Variants in LNX1 observed in about 807,000 individuals in gnomAD.
LNX1 encodes the protein E3 ubiquitin-protein ligase LNX.
A neutral mutation model predicts 68.4 loss-of-function variants in LNX1; 54 were observed. That is an observed-to-expected ratio of 0.79 (90% CI 0.63 to 0.99). The LOEUF is 0.99. Ranked by LOEUF, LNX1 falls within the 50% of genes least tolerant of loss-of-function variation. LNX1 has a pLI of 0.00. For synonymous variants in LNX1, 336 were observed against 350.0 expected (o/e 0.96, Z 0.45); for missense variants, 906 against 926.4 (o/e 0.98, Z 0.29).
At chr4:53,562,351 C>A (rs916074545) in intron 2 of LNX1, among the ~76,000 whole-genome samples, 4 of 152,114 alleles carry the variant, frequency 2.6e-5, no homozygotes, top group Non-Finnish European at 4.4e-5. Flanking sequence ...CTACAGTAGA[C>A]CCATGTGATG....
intron 9 of LNX1, among the ~76,000 whole-genome samples, chr4:53,476,357 G>A (rs1272414141): frequency 1.3e-5 from 2 of 152,160 alleles, no homozygotes; most frequent in Non-Finnish European, 2.9e-5. Context: ...TCCCAGGGCT[G>A]CCACTAGCAG....
chr4:53,604,208 T>A (rs1302041364), intron 2 of LNX1, among the ~76,000 whole-genome samples: 1 of 152,228 alleles, frequency 6.6e-6, no homozygotes, highest in African/African-American at 2.4e-5. Flanking sequence ...TTTGTATTAC[T>A]CTTTCCCTGC....
intron 4 of LNX1, among the ~76,000 whole-genome samples, chr4:53,502,770 G>T (rs1383908084): frequency 6.6e-6 from 1 of 152,176 alleles, no homozygotes; most frequent in Non-Finnish European, 1.5e-5. Context: ...TATCAACTAT[G>T]TTTATGTAAT....
chr4:53,537,249 A>T (rs115138603), intron 2 of LNX1, among the ~76,000 whole-genome samples: 313 of 152,386 alleles, frequency 2.1e-3, no homozygotes, highest in African/African-American at 6.3e-3. Flanking sequence ...CAAACAAATT[A>T]TAAAGGAAGT....
chr4:53,566,926 T>A (rs1360993156), intron 2 of LNX1, among the ~76,000 whole-genome samples: 49 of 152,158 alleles, frequency 3.2e-4, no homozygotes, highest in Non-Finnish European at 1.5e-4. Context: ...AAAGGGATCA[T>A]TTCAACAAGA....
intron 1 of LNX1, among the ~76,000 whole-genome samples, chr4:53,589,085 G>A (rs945555770): frequency 1.3e-5 from 2 of 152,208 alleles, no homozygotes; most frequent in Admixed American, 6.5e-5. Flanking sequence ...CAAACACCCA[G>A]TCTGCCCTGG....
intron 9 of LNX1, among the ~76,000 whole-genome samples, chr4:53,467,087 AC>A: frequency 6.6e-6 from 1 of 152,018 alleles, no homozygotes; most frequent in East Asian, 1.9e-4. Context: ...ACTGGGAGGC[AC>A]CCCCCAGTAG....
chr4:53,645,534 C>T (rs1413494915), intron 1 of LNX1, among the ~76,000 whole-genome samples: 2 of 152,192 alleles, frequency 1.3e-5, no homozygotes, highest in African/African-American at 2.4e-5. Flanking sequence ...GATTGGCAGA[C>T]ATTGAGGCAC....
intron 2 of LNX1, among the ~76,000 whole-genome samples, chr4:53,509,891 T>C (rs1715570913): frequency 6.6e-6 from 1 of 152,206 alleles, no homozygotes; most frequent in African/African-American, 2.4e-5. Context: ...TCCATTGAGT[T>C]GCCTACATAC....
At chr4:53,501,311 G>GGGGGGAGT (rs1553932778) in intron 4 of LNX1, among the ~76,000 whole-genome samples, 1 of 55,696 alleles carries the variant, frequency 1.8e-5, no homozygotes, top group Non-Finnish European at 3.6e-5. Context: ...GGGGTGGGGG[G>GGGGGGAGT]ACAGGATCTC....
chr4:53,531,022 C>T (rs1038260983), intron 2 of LNX1, among the ~76,000 whole-genome samples: 1 of 152,106 alleles, frequency 6.6e-6, no homozygotes, highest in African/African-American at 2.4e-5. Flanking sequence ...AAAAATTAGC[C>T]GGTGTGGTGG....
chr4:53,624,949 A>G (rs1263532427), intron 1 of LNX1, among the ~76,000 whole-genome samples: 1 of 152,236 alleles, frequency 6.6e-6, no homozygotes, highest in Non-Finnish European at 1.5e-5. Context: ...AGTTAAGGAA[A>G]TGCTCAACAT....
intron 1 of LNX1, among the ~76,000 whole-genome samples, chr4:53,631,174 G>A (rs936894723): frequency 1.3e-5 from 2 of 152,306 alleles, no homozygotes; most frequent in Admixed American, 6.5e-5. Flanking sequence ...TACCCAGGGG[G>A]AGACAGTTTG....
intron 4 of LNX1, among the ~76,000 whole-genome samples, chr4:53,502,425 T>A (rs4241974): frequency 1 from 152,372 of 152,372 alleles, 76,186 homozygotes; most frequent in Non-Finnish European, 1. Context: ...GCATGTTTTT[T>A]AAAATGTACA....
At chr4:53,629,734 T>G (rs1293316204) in intron 1 of LNX1, among the ~76,000 whole-genome samples, 1 of 152,204 alleles carries the variant, frequency 6.6e-6, no homozygotes, top group Non-Finnish European at 1.5e-5. Flanking sequence ...GTAGGGTGGA[T>G]GGACTGCAGC....
chr4:53,595,208 T>A (rs1262920715), upstream of LNX1, among the ~76,000 whole-genome samples: 1 of 152,002 alleles, frequency 6.6e-6, no homozygotes, highest in South Asian at 2.1e-4. Flanking sequence ...ACAGGAATGA[T>A]CATAGCAGAT....
At chr4:53,563,718 A>G (rs1730438928) in intron 2 of LNX1, among the ~76,000 whole-genome samples, 1 of 152,076 alleles carries the variant, frequency 6.6e-6, no homozygotes, top group Non-Finnish European at 1.5e-5. Context: ...AATTTTTGGT[A>G]GAGACGGGGT....
intron 1 of LNX1, among the ~76,000 whole-genome samples, chr4:53,578,173 T>C (rs922501347): frequency 5.9e-5 from 9 of 152,206 alleles, no homozygotes; most frequent in Admixed American, 2.0e-4. Flanking sequence ...ATCCCAATAA[T>C]GTAACTCATT....
chr4:53,603,288 C>T (rs1008971227), intron 2 of LNX1, among the ~76,000 whole-genome samples: 29 of 152,160 alleles, frequency 1.9e-4, no homozygotes, highest in African/African-American at 6.8e-4. Context: ...TGGTTCCTAG[C>T]TCATGGGGAA....
Sources: gnomAD v4.1 joint callset for allele counts (sites outside exome capture counted in the v4.1 genomes callset) on GRCh38, gnomAD v4.1.1 for gene constraint, MANE v1.5 for transcripts, NCBI Gene and HGNC (gene_info 2026-07-23, HGNC 2026-07-21) for gene names.